The following KIAA1217 variants were observed in gnomAD, a reference collection of about 807,000 sequenced individuals.
KIAA1217 encodes the protein sickle tail protein homolog.
In KIAA1217, 88 loss-of-function variants were observed where a neutral mutation model predicts 163.9. The ratio of observed to expected loss-of-function variants is 0.54; its 90% CI spans 0.45 to 0.64. The LOEUF is 0.64. Among genes scored for constraint, KIAA1217 ranks in the 30% least tolerant of loss-of-function variants. The probability of loss-of-function intolerance (pLI) is 0.00; values close to 1 mark genes in which losing one functional copy is unlikely to be tolerated. For synonymous variants in KIAA1217, 903 were observed against 923.1 expected, an observed-to-expected ratio of 0.98 and a Z score of 0.39; for missense variants, 2,372 against 2,475.0, an observed-to-expected ratio of 0.96 and a Z score of 0.88.
intron 1 of KIAA1217, among the ~76,000 whole-genome samples, chr10:23,703,432 TTC>T (rs1183271223): frequency 5.9e-5 from 9 of 152,160 alleles, no homozygotes; most frequent in African/African-American, 2.2e-4. Context: ...TTCTTCCCTG[TTC>T]TCTGATTTCT....
chr10:24,411,473 T>C (rs995097963), intron 3 of KIAA1217, among the ~76,000 whole-genome samples: 15 of 152,218 alleles, frequency 9.9e-5, no homozygotes, highest in African/African-American at 3.4e-4. Flanking sequence ...CCCAAGACCC[T>C]TGGTTGATTA....
At chr10:23,838,270 A>G (rs905184984) in intron 1 of KIAA1217, among the ~76,000 whole-genome samples, 1 of 152,202 alleles carries the variant, frequency 6.6e-6, no homozygotes, top group African/African-American at 2.4e-5. Context: ...GAAAAATGAC[A>G]TCAGGTTGCC....
chr10:23,963,197 T>C (rs1398759108), intron 1 of KIAA1217, among the ~76,000 whole-genome samples: 2 of 152,210 alleles, frequency 1.3e-5, no homozygotes, highest in African/African-American at 4.8e-5. Context: ...ACACGTGACA[T>C]GATGGTTTCC....
chr10:24,067,344 T>A (rs554597716), intron 2 of KIAA1217, among the ~76,000 whole-genome samples: 69 of 152,348 alleles, frequency 4.5e-4, no homozygotes, highest in African/African-American at 1.7e-3. Flanking sequence ...TTTCTGTTTG[T>A]TAGTTTTCTT....
chr10:24,420,958 C>T (rs1416752895), intron 3 of KIAA1217, among the ~76,000 whole-genome samples: 1 of 152,050 alleles, frequency 6.6e-6, no homozygotes, highest in Non-Finnish European at 1.5e-5. Context: ...ATTATTATTC[C>T]TCAAAATTGC....
intron 1 of KIAA1217, among the ~76,000 whole-genome samples, chr10:23,931,296 T>C (rs1843243336): frequency 6.6e-6 from 1 of 151,808 alleles, no homozygotes; most frequent in Non-Finnish European, 1.5e-5. Context: ...AAAGAGTGAC[T>C]TGTCCTTGAT....
At chr10:24,331,620 A>G (rs977928102) in intron 2 of KIAA1217, among the ~76,000 whole-genome samples, 2 of 152,242 alleles carry the variant, frequency 1.3e-5, no homozygotes, top group African/African-American at 4.8e-5. Context: ...GCTGCAATGA[A>G]GCGAAGAGCA....
At chr10:24,381,144 T>G in intron 3 of KIAA1217, 77 bp downstream of exon 3, 1 of 1,061,836 alleles carries the variant, frequency 9.4e-7, no homozygotes, top group Non-Finnish European at 1.3e-6. Flanking sequence ...ACCTATACTC[T>G]TTCATTCAAC....
At chr10:24,039,237 C>T (rs1201216923) in intron 2 of KIAA1217, among the ~76,000 whole-genome samples, 1 of 152,120 alleles carries the variant, frequency 6.6e-6, no homozygotes, top group African/African-American at 2.4e-5. Context: ...ACTCCACCCC[C>T]ACCCCAGCAG....
At chr10:24,025,528 T>C (rs1274757468) in intron 2 of KIAA1217, among the ~76,000 whole-genome samples, 1 of 151,802 alleles carries the variant, frequency 6.6e-6, no homozygotes, top group Non-Finnish European at 1.5e-5. Flanking sequence ...TTAGAATCAG[T>C]TTGCTATTTT....
chr10:24,397,309 C>T lies in KIAA1217; in HGVS notation c.553+16242C>T, dbSNP rs141879558. Among the ~76,000 whole-genome samples the T allele has an allele frequency of 2.6e-5, 4 of 152,128 alleles. No individual in the cohort carries two copies. In the East Asian group the frequency reaches 7.7e-4, roughly 29 times the overall value. On this transcript the variant is annotated intron_variant, in intron 3 of 20. Coordinates refer to ENST00000376454, the MANE Select transcript of KIAA1217 (RefSeq NM_019590.5). Reference sequence around the variant, plus strand: ...TTCACTATGTTGGCCAGGCTGGTCTCGAACTCCTGACCTCGCGATCCACCC... The same window carrying T: ...TTCACTATGTTGGCCAGGCTGGTCTTGAACTCCTGACCTCGCGATCCACCC...
chr10:24,402,612 G>C (rs1001474310), intron 3 of KIAA1217, among the ~76,000 whole-genome samples: 1 of 151,198 alleles, frequency 6.6e-6, no homozygotes, highest in African/African-American at 2.4e-5. Flanking sequence ...TATTCCACCA[G>C]ATTTTTAGGC....
chr10:24,384,792 T>TC (rs1410979026), intron 3 of KIAA1217, among the ~76,000 whole-genome samples: 1 of 152,388 alleles, frequency 6.6e-6, no homozygotes, highest in Non-Finnish European at 1.5e-5. Flanking sequence ...TGCCTTGGCC[T>TC]CCTAAAGTGC....
intron 1 of KIAA1217, among the ~76,000 whole-genome samples, chr10:23,896,286 A>T (rs554420756): frequency 6.6e-6 from 1 of 151,848 alleles, no homozygotes; most frequent in East Asian, 1.9e-4. Context: ...TATTGAATGC[A>T]TCTTTAGGTT....
chr10:24,263,285 CG>C (rs1485785771), intron 2 of KIAA1217, among the ~76,000 whole-genome samples: 3 of 152,178 alleles, frequency 2.0e-5, no homozygotes, highest in Admixed American at 6.5e-5. Flanking sequence ...CTAAGGGAAG[CG>C]TCTGCATGGA....
intron 1 of KIAA1217, among the ~76,000 whole-genome samples, chr10:23,923,233 G>A (rs190097875): frequency 2.6e-5 from 4 of 152,240 alleles, no homozygotes; most frequent in African/African-American, 4.8e-5. Context: ...TTAGAATAAC[G>A]GTCACCGGTT....
rs1358794833 is a variant in KIAA1217, at chr10:24,547,066, T to TC, written c.*742_*743insC. 1 of 151,068 alleles carries TC rather than the reference T, an allele frequency of 6.6e-6. No homozygotes were observed. Among genetic ancestry groups the TC allele is most frequent in the Non-Finnish European group, 1.5e-5 (1 of 67,644 alleles). The allele number at this position is 151,068 out of a possible 1,614,324, so 9.4% of individuals were successfully genotyped here. On this transcript the variant is annotated 3_prime_UTR_variant, in exon 21 of 21. Transcript: ENST00000376454. Reference sequence around the variant, plus strand: ...TTTCTTTTTTCCTTCCTTTTTTTTTTTTTTTTCTTTTTTAACATGTTGAGA... The same window carrying TC: ...TTTCTTTTTTCCTTCCTTTTTTTTTTCTTTTTTCTTTTTTAACATGTTGAGA...
intron 1 of KIAA1217, among the ~76,000 whole-genome samples, chr10:23,743,898 GAA>G (rs34968711): frequency 6.1e-5 from 9 of 147,356 alleles, no homozygotes; most frequent in African/African-American, 2.0e-4. Context: ...TTAATTTTCA[GAA>G]AAAAAAAAAT....
At chr10:23,713,697 AC>A (rs1374657697) in intron 1 of KIAA1217, among the ~76,000 whole-genome samples, 1 of 152,122 alleles carries the variant, frequency 6.6e-6, no homozygotes, top group Non-Finnish European at 1.5e-5. Context: ...ACCCAATAAA[AC>A]TTTTTGGTAT....
Sources: gnomAD v4.1 joint callset for allele counts (sites outside exome capture counted in the v4.1 genomes callset) on GRCh38, gnomAD v4.1.1 for gene constraint, MANE v1.5 for transcripts, NCBI Gene and HGNC (gene_info 2026-07-23, HGNC 2026-07-21) for gene names.